Variants in ADAMTS17 observed in about 807,000 individuals in gnomAD.
ADAMTS17 encodes the protein ADAM metallopeptidase with thrombospondin type 1 motif 17, also known as A disintegrin and metalloproteinase with thrombospondin motifs 17.
Under a neutral mutation model 141.5 loss-of-function variants are expected in ADAMTS17, and 113 were observed. That is an observed-to-expected ratio of 0.80 (90% CI 0.69 to 0.93). ADAMTS17 has a LOEUF of 0.93. Among genes scored for constraint, ADAMTS17 ranks in the 40% least tolerant of loss-of-function variants. The pLI, the probability that ADAMTS17 is intolerant of heterozygous loss-of-function variation, is 0.00. For missense variants in ADAMTS17, 1,659 were observed against 1,517.9 expected (o/e 1.09, Z -1.54); for synonymous variants, 768 against 630.6 (o/e 1.22, Z -3.27).
chr15:100,178,780 AT>A (rs1316682361), intron 8 of ADAMTS17, among the ~76,000 whole-genome samples: 1 of 152,060 alleles, frequency 6.6e-6, no homozygotes, highest in African/African-American at 2.4e-5. Flanking sequence ...CTGAGAATGT[AT>A]TTTTTCTTCA....
At chr15:100,308,837 A>G (rs1480082647) in intron 3 of ADAMTS17, among the ~76,000 whole-genome samples, 1 of 152,162 alleles carries the variant, frequency 6.6e-6, no homozygotes, top group Non-Finnish European at 1.5e-5. Flanking sequence ...ACAACTGGGC[A>G]TATCTTGGGG....
At chr15:100,229,949 C>T (rs2042425825) in intron 7 of ADAMTS17, among the ~76,000 whole-genome samples, 1 of 152,146 alleles carries the variant, frequency 6.6e-6, no homozygotes, top group South Asian at 2.1e-4. Flanking sequence ...GGAAAGCCTG[C>T]CTGTGTTGGC....
At chr15:100,211,743 A>C (rs183730709) in intron 7 of ADAMTS17, among the ~76,000 whole-genome samples, 2 of 152,236 alleles carry the variant, frequency 1.3e-5, no homozygotes, top group African/African-American at 2.4e-5. Context: ...TTAAAAAGAT[A>C]TACAACCTAC....
intron 3 of ADAMTS17, among the ~76,000 whole-genome samples, chr15:100,328,695 C>T (rs1376532543): frequency 1.3e-5 from 2 of 152,174 alleles, no homozygotes; most frequent in Non-Finnish European, 2.9e-5. Context: ...CAAAACTCTC[C>T]TTAGGGACAA....
intron 15 of ADAMTS17, among the ~76,000 whole-genome samples, chr15:100,064,541 G>A (rs112945760): frequency 1.1e-4 from 17 of 152,206 alleles, no homozygotes; most frequent in African/African-American, 3.6e-4. Flanking sequence ...ACATCCGTGG[G>A]ATGACAGCAG....
chr15:100,205,879 G>GA (rs1313033994), intron 7 of ADAMTS17, among the ~76,000 whole-genome samples: 3 of 152,098 alleles, frequency 2.0e-5, no homozygotes, highest in Non-Finnish European at 4.4e-5. Flanking sequence ...GGGCGCCGCG[G>GA]TCTCTGAAAG....
chr15:100,088,664 A>G (rs937930476), intron 15 of ADAMTS17, among the ~76,000 whole-genome samples: 3 of 152,060 alleles, frequency 2.0e-5, no homozygotes, highest in African/African-American at 7.3e-5. Flanking sequence ...GGAACAGAAC[A>G]GAGCCCTCAG....
chr15:100,240,774 T>C (rs1281502765), intron 7 of ADAMTS17, among the ~76,000 whole-genome samples: 1 of 152,212 alleles, frequency 6.6e-6, no homozygotes, highest in Admixed American at 6.5e-5. Flanking sequence ...GTGTTCCTCA[T>C]TGCTGAGAGC....
intron 9 of ADAMTS17, among the ~76,000 whole-genome samples, chr15:100,154,183 GAAAC>G (rs1285133339): frequency 3.3e-5 from 5 of 152,196 alleles, no homozygotes; most frequent in African/African-American, 9.6e-5. Flanking sequence ...TCCATCTCAA[GAAAC>G]AAACAAACAA....
chr15:100,090,558 T>C (rs2035392954), intron 15 of ADAMTS17, among the ~76,000 whole-genome samples: 1 of 152,170 alleles, frequency 6.6e-6, no homozygotes, highest in South Asian at 2.1e-4. Context: ...GTTTTCTGTC[T>C]TTTCTCATGT....
At chr15:100,276,495 G>A (rs1217032451) in intron 4 of ADAMTS17, among the ~76,000 whole-genome samples, 1 of 139,278 alleles carries the variant, frequency 7.2e-6, no homozygotes, top group Non-Finnish European at 1.6e-5. Flanking sequence ...TGGGAGGGTG[G>A]GAGGGAGTGG....
intron 7 of ADAMTS17, among the ~76,000 whole-genome samples, chr15:100,248,008 G>T (rs76368618): frequency 2.0e-5 from 3 of 151,964 alleles, no homozygotes; most frequent in African/African-American, 7.2e-5. Flanking sequence ...CAGGGGTGAC[G>T]CAAGGAGGGG....
chr15:99,984,245 G>A (rs1390477108), intron 20 of ADAMTS17, among the ~76,000 whole-genome samples: 2 of 152,184 alleles, frequency 1.3e-5, no homozygotes, highest in East Asian at 1.9e-4. Flanking sequence ...AGAGCTCTTG[G>A]GGACTGAAGC....
In ADAMTS17 at chr15:99,997,796, C is replaced by G. The variant is rs1367784599; in HGVS notation, c.2592-207G>C. Reference sequence around the variant, plus strand: ...TGGTCCTCTGGTTGGATGGTCTCCTCAGCACAGACATCTTTCTGCAACCAA... The same window carrying G: ...TGGTCCTCTGGTTGGATGGTCTCCTGAGCACAGACATCTTTCTGCAACCAA... On this transcript the variant is annotated intron_variant, in intron 18 of 21. Coordinates refer to ENST00000268070, the MANE Select transcript of ADAMTS17 (RefSeq NM_139057.4). The surrounding 1 kb of genome is among the most constrained non-coding windows in gnomAD (Gnocchi z 4.7). Among the ~76,000 whole-genome samples the G allele has an allele frequency of 1.3e-5, 2 of 152,204 alleles. No individual in the cohort carries two copies. Among genetic ancestry groups the G allele is most frequent in the Non-Finnish European group, 2.9e-5 (2 of 68,044 alleles).
chr15:100,089,015 T>C (rs1343463510), intron 15 of ADAMTS17, among the ~76,000 whole-genome samples: 2 of 151,512 alleles, frequency 1.3e-5, no homozygotes, highest in Non-Finnish European at 2.9e-5. Flanking sequence ...GAAGAGCTTC[T>C]GCACAGCAAA....
At chr15:100,028,180 C>G (rs1168843299) in intron 18 of ADAMTS17, among the ~76,000 whole-genome samples, 1 of 152,218 alleles carries the variant, frequency 6.6e-6, no homozygotes, top group African/African-American at 2.4e-5. Context: ...ACCCCAATAA[C>G]ACTGTCAGAC....
At chr15:100,045,476 C>G (rs1018082630) in intron 18 of ADAMTS17, among the ~76,000 whole-genome samples, 1 of 152,136 alleles carries the variant, frequency 6.6e-6, no homozygotes, top group Non-Finnish European at 1.5e-5. Context: ...GGCACTGTCT[C>G]TCTTGTGGTG....
intron 8 of ADAMTS17, among the ~76,000 whole-genome samples, chr15:100,158,737 G>A (rs970062252): frequency 9.2e-5 from 14 of 152,268 alleles, no homozygotes; most frequent in African/African-American, 3.4e-4. Flanking sequence ...AACGGATTAA[G>A]TTTTAAAATA....
At chr15:100,225,064 G>A (rs929120400) in intron 7 of ADAMTS17, among the ~76,000 whole-genome samples, 14 of 152,128 alleles carry the variant, frequency 9.2e-5, no homozygotes, top group South Asian at 2.1e-4. Flanking sequence ...CCAATTTCAC[G>A]GCCATGGGGA....
Sources: allele counts gnomAD v4.1 joint callset (sites outside exome capture counted in the v4.1 genomes callset), GRCh38; gene constraint gnomAD v4.1.1; non-coding constraint Gnocchi (gnomAD v3.1); transcripts MANE v1.5; gene names NCBI Gene and HGNC (gene_info 2026-07-23, HGNC 2026-07-21).